BAIAP2L2: variants seen among roughly 807,000 people sequenced by gnomAD.
BAIAP2L2 encodes BAR/IMD domain-containing adapter protein 2-like 2.
In BAIAP2L2, 65 loss-of-function variants were observed where a neutral mutation model predicts 60.4. That is an observed-to-expected ratio of 1.08 (90% CI 0.88 to 1.32). The LOEUF (loss-of-function observed/expected upper bound fraction) is 1.32, where lower values mean the gene tolerates loss of function less well. BAIAP2L2 is among the 40% of genes most tolerant of loss of function. The probability of loss-of-function intolerance (pLI) is 0.00; values close to 1 mark genes in which losing one functional copy is unlikely to be tolerated. For missense variants in BAIAP2L2, 836 were observed against 741.2 expected, an observed-to-expected ratio of 1.13 and a Z score of -1.48; for synonymous variants, 344 against 301.7, an observed-to-expected ratio of 1.14 and a Z score of -1.45.
chr22:38,099,973 T>C (rs1270658666), intron 4 of BAIAP2L2, among the ~76,000 whole-genome samples: 1 of 152,190 alleles, frequency 6.6e-6, no homozygotes, highest in Non-Finnish European at 1.5e-5. Context: ...CCACAGTTAT[T>C]TCCCAAACTT....
chr22:38,097,794 G>T (rs533332675), intron 6 of BAIAP2L2, among the ~76,000 whole-genome samples: 1 of 152,140 alleles, frequency 6.6e-6, no homozygotes, highest in Non-Finnish European at 1.5e-5. Context: ...GGAGATGGGG[G>T]AGGTGGGATG....
Position 38,097,013 on chromosome 22 carries a change from G to A in BAIAP2L2, c.612+19C>T, listed in dbSNP as rs751041954. ...AGCTCCTAGAAGCGCCCCGCTTGCT[G>A]CCCCCCAGTCCAACTCACCCGGCCG... On this transcript the variant is annotated intron_variant, in intron 7 of 13. Transcript: ENST00000381669. The A allele has an allele frequency of 7.5e-6, 12 of 1,601,716 alleles. No homozygotes were observed. The highest frequency in any genetic ancestry group is 1.7e-5 in the Admixed American group (1 of 57,966).
intron 7 of BAIAP2L2, 67 bp downstream of exon 7, chr22:38,096,965 T>G (rs1256205074): frequency 6.5e-7 from 1 of 1,537,900 alleles, no homozygotes; most frequent in Non-Finnish European, 8.8e-7. Flanking sequence ...GAAACCTCTA[T>G]GTACGGCCAC....
At chr22:38,086,170 G>A in intron 12 of BAIAP2L2, 72 bp downstream of exon 12, 1 of 1,497,802 alleles carries the variant, frequency 6.7e-7, no homozygotes, top group Non-Finnish European at 9.1e-7. Context: ...GCCGGTGACA[G>A]AGCCTCGGGA....
rs965208483 is a variant in BAIAP2L2 at position 38,087,200 on chromosome 22, G to A, written c.1183C>T (p.Pro395Ser). Residue 395 changes from proline (P) to serine (S), a missense_variant, in exon 11 of 14, where the codon CCC becomes TCC. Pro to Ser is a moderately conservative substitution (Grantham distance 74). Coordinates refer to ENST00000381669, the MANE Select transcript of BAIAP2L2 (RefSeq NM_025045.6). The stretch of plus-strand genomic sequence containing the variant: ...GTCATGGAGGTCATGGGGGTCACGG[G>A]GGTCATGGGATTCACGGGCCCCTCC... ...LEEGPVNPMTPVTPMTSMTSM... is the reference protein window; with the variant it reads ...LEEGPVNPMTSVTPMTSMTSM... 1.9e-6 allele frequency: 3 copies of A among 1,602,226 alleles called. No homozygotes were observed. The highest frequency in any genetic ancestry group is 1.4e-5 in the African/African-American group (1 of 73,976).
chr22:38,109,628 C>A (rs1396457176), intron 1 of BAIAP2L2, among the ~76,000 whole-genome samples: 1 of 152,138 alleles, frequency 6.6e-6, no homozygotes. Flanking sequence ...CCAACAGTCA[C>A]CCCCGGGGCA....
intron 7 of BAIAP2L2, among the ~76,000 whole-genome samples, chr22:38,094,816 G>GGGGAGGGCGT (rs920225240): frequency 2.1e-5 from 3 of 139,732 alleles, no homozygotes; most frequent in Admixed American, 7.4e-5. Context: ...CCAGAGACTC[G>GGGGAGGGCGT]GGGAGGGCGT....
At position 38,088,751 on chromosome 22, in the gene BAIAP2L2, G is replaced by C. The variant is rs373008506; in HGVS notation, c.1115C>G (p.Ser372Cys). The C allele has an allele frequency of 1.7e-5, 27 of 1,596,908 alleles. No individual in the cohort carries two copies. The African/African-American group carries it at 3.6e-4, about 21-fold the overall frequency. The change falls in exon 10 of 14, where the codon TCC (serine) becomes TGC (cysteine). Residue 372 changes from serine to cysteine, a missense_variant. Physicochemically the swap from Ser to Cys is moderately radical, Grantham distance 112 (BLOSUM62 -1). Coordinates refer to ENST00000381669, the MANE Select transcript of BAIAP2L2 (RefSeq NM_025045.6). ...CCCCTCCAAGGCTCCCACTCACGCG[G>C]ACGAGCCCTCCAGCTTGCCGTAGAG... ...GWLYGKLEGS[S>C]ASGWFPEAYV...
chr22:38,095,410 A>G (rs1422337953), intron 7 of BAIAP2L2, among the ~76,000 whole-genome samples: 2 of 151,938 alleles, frequency 1.3e-5, no homozygotes, highest in Non-Finnish European at 2.9e-5. Context: ...TGTCGCCCAG[A>G]CTGGAGTGCA....
intron 7 of BAIAP2L2, among the ~76,000 whole-genome samples, chr22:38,093,745 T>G (rs1210592922): frequency 6.6e-6 from 1 of 152,166 alleles, no homozygotes; most frequent in Non-Finnish European, 1.5e-5. Context: ...GGAACCCTCA[T>G]AAACTGCTGA....
At chr22:38,090,262 CA>C (rs997743856) in intron 7 of BAIAP2L2, 27 of 151,936 alleles carry the variant, frequency 1.8e-4, no homozygotes, top group African/African-American at 6.5e-4. Context: ...AGGCGCCTGC[CA>C]CCATGCCCAG....
intron 10 of BAIAP2L2, 45 bp from the exon 11 acceptor site, chr22:38,087,309 T>C: frequency 6.4e-7 from 1 of 1,568,236 alleles, no homozygotes; most frequent in Non-Finnish European, 8.6e-7. Context: ...AAGCCAGGCC[T>C]GGGGACAATG....
rs1265161201 is a variant in BAIAP2L2, at chr22:38,086,480, G to A, written c.1260-31C>T. 4 of 1,463,222 alleles carry A rather than the reference G, an allele frequency of 2.7e-6. No homozygotes were observed. The South Asian group carries it at 5.5e-5, about 20-fold the overall frequency. The allele number at this position is 1,463,222 out of a possible 1,614,324, so 90.6% of individuals were successfully genotyped here. On this transcript the variant is annotated intron_variant, in intron 11 of 13. Coordinates refer to ENST00000381669, the MANE Select transcript of BAIAP2L2 (RefSeq NM_025045.6). ...TCCAGAGAAAGGAGGGGGAAGGAAA[G>A]GGGTTGGGGCCTGTCCAATCCCTTG...
At chr22:38,106,919 G>A (rs1432918956) in intron 4 of BAIAP2L2, among the ~76,000 whole-genome samples, 7 of 152,208 alleles carry the variant, frequency 4.6e-5, no homozygotes, top group East Asian at 1.9e-4. Context: ...AGGCTCTGCG[G>A]CGCTCCCAGT....
chr22:38,098,816 C>T (rs1276777993), intron 4 of BAIAP2L2, among the ~76,000 whole-genome samples: 1 of 152,212 alleles, frequency 6.6e-6, no homozygotes, highest in African/African-American at 2.4e-5. Context: ...TCTTCCAGTG[C>T]CAGCTTCCTG....
At chr22:38,107,536 C>T (rs780225441) in intron 4 of BAIAP2L2, among the ~76,000 whole-genome samples, 7 of 152,116 alleles carry the variant, frequency 4.6e-5, no homozygotes, top group Non-Finnish European at 8.8e-5. Flanking sequence ...TGGGAGGCTG[C>T]AGTGAGGAGG....
intron 7 of BAIAP2L2, chr22:38,091,344 C>T (rs2086294017): frequency 6.6e-6 from 1 of 152,242 alleles, no homozygotes; most frequent in African/African-American, 2.4e-5. Context: ...GTGTGAGCCA[C>T]TGCACCCAGT....
Position 38,086,338 on chromosome 22 carries a change from G to C in BAIAP2L2, c.1371C>G (p.Ser457Arg), listed in dbSNP as rs755062195. 7.4e-6 allele frequency: 11 copies of C among 1,481,104 alleles called. No individual in the cohort carries two copies. The African/African-American group carries it at 1.4e-4, about 18-fold the overall frequency. 91.7% of individuals were successfully genotyped at this position (1,481,104 alleles called of 1,614,324 possible). The change falls in exon 12 of 14, where the codon AGC becomes AGG. Residue 457 changes from serine to arginine, a missense_variant. Physicochemically the swap from Ser to Arg is moderately radical, Grantham distance 110. Coordinates refer to ENST00000381669, the MANE Select transcript of BAIAP2L2 (RefSeq NM_025045.6). ...GGCTGGGGGCACGGCTTGGCACCCG[G>C]CTTGGGGTGCGGGAGCGGGACTGGC... ...WDGQSRSRTPSRVPSRAPSPA... is the reference protein window; with the variant it reads ...WDGQSRSRTPRRVPSRAPSPA...
chr22:38,103,372 AC>A (rs200929637), intron 4 of BAIAP2L2, among the ~76,000 whole-genome samples: 1,695 of 152,374 alleles, frequency 0.011, 16 homozygotes, highest in Middle Eastern at 0.02. Context: ...AAGCCTAGAA[AC>A]AAAGATCAAG....
Sources: gnomAD v4.1 joint callset for allele counts (sites outside exome capture counted in the v4.1 genomes callset) on GRCh38, gnomAD v4.1.1 for gene constraint, MANE v1.5 for transcripts, NCBI Gene and HGNC (gene_info 2026-07-23, HGNC 2026-07-21) for gene names.